DDAH1: variants seen among roughly 807,000 people sequenced by gnomAD.
DDAH1 encodes the protein dimethylarginine dimethylaminohydrolase 1.
A neutral mutation model predicts 28.8 loss-of-function variants in DDAH1; 19 were observed. The observed-to-expected ratio is 0.66, with a 90% CI of 0.46 to 0.97. The LOEUF (loss-of-function observed/expected upper bound fraction) is 0.97, where lower values mean the gene tolerates loss of function less well. Among genes scored for constraint, DDAH1 ranks in the 50% least tolerant of loss-of-function variants. DDAH1 has a pLI of 0.00. For synonymous variants in DDAH1, 153 were observed against 154.4 expected (o/e 0.99, Z 0.07); for missense variants, 326 against 375.9 (o/e 0.87, Z 1.10).
intron 4 of DDAH1, among the ~76,000 whole-genome samples, chr1:85,332,153 G>C (rs1570384014): frequency 1.3e-5 from 2 of 152,172 alleles, no homozygotes; most frequent in Admixed American, 1.3e-4. Flanking sequence ...GACAGATAGA[G>C]AGCCAGTTAG....
intron 1 of DDAH1, among the ~76,000 whole-genome samples, chr1:85,541,646 G>A (rs1463511225): frequency 6.6e-6 from 1 of 152,164 alleles, no homozygotes; most frequent in African/African-American, 2.4e-5. Flanking sequence ...TAAACACTTT[G>A]CTACAGACTG....
chr1:85,561,378 A>G (rs1394223187), intron 1 of DDAH1, among the ~76,000 whole-genome samples: 1 of 152,042 alleles, frequency 6.6e-6, no homozygotes, highest in African/African-American at 2.4e-5. Context: ...AAAAATACAG[A>G]TGTTGTAAAA....
intron 4 of DDAH1, among the ~76,000 whole-genome samples, chr1:85,331,995 G>T (rs1415868724): frequency 6.6e-6 from 1 of 152,142 alleles, no homozygotes; most frequent in African/African-American, 2.4e-5. Flanking sequence ...ATTCCCAGTG[G>T]TACATGTTCC....
At chr1:85,346,931 C>T (rs2100834447) in intron 4 of DDAH1, among the ~76,000 whole-genome samples, 1 of 152,162 alleles carries the variant, frequency 6.6e-6, no homozygotes, top group Non-Finnish European at 1.5e-5. Flanking sequence ...AAAAAACAAA[C>T]AACCCCATCA....
chr1:85,450,619 A>T (rs1339521831), intron 1 of DDAH1, among the ~76,000 whole-genome samples: 2 of 152,202 alleles, frequency 1.3e-5, no homozygotes, highest in Non-Finnish European at 2.9e-5. Context: ...TGTTGTATAA[A>T]GCATCACAGC....
chr1:85,390,345 A>G (rs1172128148), intron 1 of DDAH1, among the ~76,000 whole-genome samples: 1 of 152,194 alleles, frequency 6.6e-6, no homozygotes, highest in Non-Finnish European at 1.5e-5. Context: ...TTTAAAACCC[A>G]ACTGCACCAT....
At chr1:85,371,399 G>A (rs1396242744) in intron 1 of DDAH1, among the ~76,000 whole-genome samples, 1 of 152,158 alleles carries the variant, frequency 6.6e-6, no homozygotes, top group African/African-American at 2.4e-5. Context: ...CTGAGGTAGG[G>A]AGATCCTTTG....
At chr1:85,457,043 T>C (rs1397583333) in intron 1 of DDAH1, among the ~76,000 whole-genome samples, 1 of 152,170 alleles carries the variant, frequency 6.6e-6, no homozygotes, top group Non-Finnish European at 1.5e-5. Context: ...AAGAGGGAAG[T>C]ACACTTAGAA....
chr1:85,330,433 A>AG (rs1163575500), intron 4 of DDAH1, among the ~76,000 whole-genome samples: 2 of 152,144 alleles, frequency 1.3e-5, no homozygotes, highest in African/African-American at 4.8e-5. Flanking sequence ...AAAAGCATGG[A>AG]GGAGGTGGTA....
chr1:85,467,117 G>T (rs55639236), upstream of DDAH1, among the ~76,000 whole-genome samples: 91 of 152,174 alleles, frequency 6.0e-4, no homozygotes, highest in African/African-American at 2.1e-3. Flanking sequence ...GATTACAGGC[G>T]TGAGCCACTG....
rs937662184 is a variant in DDAH1, at chr1:85,350,450, T to C, written c.562A>G (p.Ile188Val). The change falls in exon 4 of 6, where the codon ATT (isoleucine) becomes GTT (valine). Residue 188 changes from isoleucine to valine, a missense_variant. Transcript: ENST00000284031. ...CSMAGPNLIAIGSSESAQKAL... is the reference protein window; with the variant it reads ...CSMAGPNLIAVGSSESAQKAL... ...TTCTGTGCAGATTCACTAGACCCAATTGCGATCAGGTTAGGCCCAGCCATG... is the reference window on the plus strand; with the variant it reads ...TTCTGTGCAGATTCACTAGACCCAACTGCGATCAGGTTAGGCCCAGCCATG... 9.9e-6 allele frequency: 16 copies of C among 1,614,098 alleles called. No homozygotes were observed. The highest frequency in any genetic ancestry group is 3.3e-5 in the South Asian group (3 of 91,074).
chr1:85,562,848 G>T (rs946038574), intron 1 of DDAH1, among the ~76,000 whole-genome samples: 1 of 152,096 alleles, frequency 6.6e-6, no homozygotes, highest in Non-Finnish European at 1.5e-5. Flanking sequence ...ACTTTGGTAT[G>T]GCAGCCCTCA....
chr1:85,417,786 T>C (rs1439856720), intron 1 of DDAH1, among the ~76,000 whole-genome samples: 1 of 152,180 alleles, frequency 6.6e-6, no homozygotes, highest in African/African-American at 2.4e-5. Context: ...CTCTCATGAA[T>C]TGAAGAGTGA....
intron 1 of DDAH1, among the ~76,000 whole-genome samples, chr1:85,456,545 T>C (rs1654889247): frequency 1.3e-5 from 2 of 152,260 alleles, no homozygotes; most frequent in Admixed American, 6.5e-5. Flanking sequence ...TATTTTAAAG[T>C]AGGCTTTGTG....
chr1:85,436,573 G>C (rs1484956247), intron 1 of DDAH1, among the ~76,000 whole-genome samples: 1 of 152,238 alleles, frequency 6.6e-6, no homozygotes, highest in African/African-American at 2.4e-5. Context: ...AGCTGGCTCA[G>C]GCACAAAGTG....
At chr1:85,417,672 A>G (rs1474097797) in intron 1 of DDAH1, among the ~76,000 whole-genome samples, 1 of 152,234 alleles carries the variant, frequency 6.6e-6, no homozygotes, top group East Asian at 1.9e-4. Flanking sequence ...TCTCCTTGTA[A>G]TCAGCAGCAG....
chr1:85,468,520 C>G (rs1252642030), upstream of DDAH1, among the ~76,000 whole-genome samples: 1 of 140,494 alleles, frequency 7.1e-6, no homozygotes, highest in Admixed American at 7.3e-5. Flanking sequence ...GGGGAACTCT[C>G]CTTTTTTTTT....
chr1:85,359,354 T>C (rs1649664177), intron 1 of DDAH1, among the ~76,000 whole-genome samples: 1 of 151,998 alleles, frequency 6.6e-6, no homozygotes, highest in African/African-American at 2.4e-5. Context: ...TAAAGGAAGG[T>C]GGGAGGCAAG....
intron 1 of DDAH1, among the ~76,000 whole-genome samples, chr1:85,519,088 C>CTTTTTTTTTT (rs71075842): frequency 2.9e-5 from 2 of 69,128 alleles, no homozygotes; most frequent in African/African-American, 5.3e-5. Flanking sequence ...AAAGACGGAT[C>CTTTTTTTTTT]TTTTTTTTTT....
Sources: allele counts gnomAD v4.1 joint callset (sites outside exome capture counted in the v4.1 genomes callset), GRCh38; gene constraint gnomAD v4.1.1; transcripts MANE v1.5; gene names NCBI Gene and HGNC (gene_info 2026-07-23, HGNC 2026-07-21).